Variants in PCDHA5 observed in about 807,000 individuals in gnomAD.
The protein encoded by PCDHA5 is protocadherin alpha 5.
In PCDHA5, 43 loss-of-function variants were observed where a neutral mutation model predicts 61.6. The ratio of observed to expected loss-of-function variants is 0.70; its 90% CI spans 0.55 to 0.90. The LOEUF (loss-of-function observed/expected upper bound fraction) is 0.90, where lower values mean the gene tolerates loss of function less well. Ranked by LOEUF, PCDHA5 falls within the 40% of genes least tolerant of loss-of-function variation. PCDHA5 has a pLI of 0.00. For missense variants in PCDHA5, 1,298 were observed against 1,222.7 expected, an observed-to-expected ratio of 1.06 and a Z score of -0.92; for synonymous variants, 627 against 543.9, an observed-to-expected ratio of 1.15 and a Z score of -2.13.
At chr5:140,964,954 G>A (rs140288048) in intron 1 of PCDHA5, among the ~76,000 whole-genome samples, 6 of 152,316 alleles carry the variant, frequency 3.9e-5, no homozygotes, top group Non-Finnish European at 7.4e-5. Flanking sequence ...AGTGTGCTTG[G>A]TTGGTGGAAC....
chr5:140,882,966 T>C (rs201472469), intron 1 of PCDHA5: 3 of 1,614,202 alleles, frequency 1.9e-6, no homozygotes, highest in Non-Finnish European at 8.5e-7. Context: ...ATCACGATTC[T>C]GGACGTGAAT....
intron 1 of PCDHA5, chr5:140,843,512 G>A (rs782010980): frequency 6.3e-7 from 1 of 1,595,964 alleles, no homozygotes; most frequent in Non-Finnish European, 8.6e-7. Flanking sequence ...CACTGAGGGC[G>A]GGTGCCGGGC....
intron 1 of PCDHA5, chr5:140,859,885 A>G (rs2046070858): frequency 1.3e-5 from 2 of 151,844 alleles, no homozygotes; most frequent in South Asian, 4.2e-4. Context: ...TGATATTTTG[A>G]AAAAAAATCT....
chr5:140,849,491 T>C (rs1554142975), intron 1 of PCDHA5: 1 of 1,592,292 alleles, frequency 6.3e-7, no homozygotes, highest in African/African-American at 1.4e-5. Context: ...CCCTGGCTGG[T>C]CATTGTACAC....
rs1484271840 is a variant in PCDHA5 at position 140,900,260 on chromosome 5, A to G, written c.2352+76133A>G. Among the ~76,000 whole-genome samples the G allele has an allele frequency of 4.0e-5, 6 of 151,898 alleles. No homozygotes were observed. In the South Asian group the frequency reaches 1.0e-3, roughly 26 times the overall value. ...TTTTTTTATGGCTGAATAGTACTCC[A>G]TTGTGTATATGTACCACACTTTCTT... On this transcript the variant is annotated intron_variant, in intron 1 of 3. Coordinates refer to ENST00000529859, the MANE Select transcript of PCDHA5 (RefSeq NM_018908.3).
intron 1 of PCDHA5, chr5:140,829,939 C>A (rs1375837368): frequency 6.2e-7 from 1 of 1,613,870 alleles, no homozygotes; most frequent in African/African-American, 1.3e-5. Context: ...CCCCGGCAAG[C>A]AGCGCTCGCT....
At chr5:140,828,459 T>C (rs1220650558) in intron 1 of PCDHA5, 1 of 1,613,846 alleles carries the variant, frequency 6.2e-7, no homozygotes, top group Non-Finnish European at 8.5e-7. Context: ...GACGTGGAGG[T>C]GAGGGACATT....
At chr5:140,888,753 AC>A (rs1372547782) in intron 1 of PCDHA5, among the ~76,000 whole-genome samples, 1 of 149,022 alleles carries the variant, frequency 6.7e-6, no homozygotes, top group African/African-American at 2.5e-5. Context: ...TATTCTACCC[AC>A]TTTTTTTTTT....
chr5:140,898,980 G>A (rs2067076537), intron 1 of PCDHA5, among the ~76,000 whole-genome samples: 1 of 151,930 alleles, frequency 6.6e-6, no homozygotes, highest in South Asian at 2.1e-4. Flanking sequence ...CTCATGATTT[G>A]GCTCTCTGTT....
At chr5:140,873,642 G>A (rs1217578025) in intron 1 of PCDHA5, among the ~76,000 whole-genome samples, 1 of 152,154 alleles carries the variant, frequency 6.6e-6, no homozygotes, top group Non-Finnish European at 1.5e-5. Flanking sequence ...GAGTATGTGA[G>A]AACTACATAA....
At chr5:140,878,787 T>C (rs2057727241) in intron 1 of PCDHA5, among the ~76,000 whole-genome samples, 1 of 152,222 alleles carries the variant, frequency 6.6e-6, no homozygotes, top group Admixed American at 6.5e-5. Flanking sequence ...ATATGTTCAA[T>C]CACTTTTTAA....
chr5:140,876,127 A>G lies in PCDHA5; in HGVS notation c.2352+52000A>G, dbSNP rs782626047. 2.5e-6 allele frequency: 4 copies of G among 1,613,984 alleles called. No homozygotes were observed. The South Asian group carries it at 3.3e-5, about 13-fold the overall frequency. ...ATTGCTGATGGTAATCGATGGCGGTAAACCAGAACTAACAGGGTCTGTCCA... is the reference window on the plus strand; with the variant it reads ...ATTGCTGATGGTAATCGATGGCGGTGAACCAGAACTAACAGGGTCTGTCCA... On this transcript the variant is annotated intron_variant, in intron 1 of 3. Coordinates refer to ENST00000529859, the MANE Select transcript of PCDHA5 (RefSeq NM_018908.3).
Position 140,830,403 on chromosome 5 carries a change from C to T in PCDHA5, c.2352+6276C>T, listed in dbSNP as rs142523844. 231 of 1,614,096 alleles carry T rather than the reference C, an allele frequency of 1.4e-4. No homozygotes were observed. The African/African-American group carries it at 1.9e-3, about 14-fold the overall frequency. The stretch of plus-strand genomic sequence containing the variant: ...GGCCCACCCAAGATGGATCTCATGG[C>T]CTTTAGCCCCAGCCTTTCACCTTGT... On this transcript the variant is annotated intron_variant, in intron 1 of 3. Transcript: ENST00000529859.
rs75087916 is a variant in PCDHA5, at chr5:140,963,063, T to G, written c.2353-15886T>G. Among the ~76,000 whole-genome samples, 783 of 152,260 alleles carry G rather than the reference T, an allele frequency of 5.1e-3. 9 individuals carry two copies. Among genetic ancestry groups the G allele is most frequent in the African/African-American group, 0.018 (742 of 41,556 alleles). ...AGAGTCTATAAGGGTTTCTACATTGTGAAGGAGACAGAAATATAAGACATG... is the reference window on the plus strand; with the variant it reads ...AGAGTCTATAAGGGTTTCTACATTGGGAAGGAGACAGAAATATAAGACATG... On this transcript the variant is annotated intron_variant, in intron 1 of 3. Transcript: ENST00000529859.
At chr5:140,995,203 T>G (rs2097669345) in intron 3 of PCDHA5, among the ~76,000 whole-genome samples, 2 of 152,180 alleles carry the variant, frequency 1.3e-5, no homozygotes, top group African/African-American at 2.4e-5. Flanking sequence ...ATTTATAAAT[T>G]AGGCACAATA....
chr5:140,884,609 G>C (rs1554181782), intron 1 of PCDHA5: 4 of 1,614,138 alleles, frequency 2.5e-6, no homozygotes, highest in African/African-American at 1.3e-5. Flanking sequence ...TCCTTGTCTG[G>C]GTTCTGCAGA....
chr5:140,861,870 GC>G (rs1319389506), intron 1 of PCDHA5: 1 of 156,092 alleles, frequency 6.4e-6, no homozygotes, highest in East Asian at 1.9e-4. Context: ...ACTGATGGGG[GC>G]GAAGCTGAGC....
chr5:140,837,753 T>G (rs1775240938), intron 1 of PCDHA5, among the ~76,000 whole-genome samples: 1 of 151,848 alleles, frequency 6.6e-6, no homozygotes, highest in South Asian at 2.1e-4. Context: ...TATAGCCCAC[T>G]GCAACCTGAA....
At chr5:140,898,720 T>C (rs1343662110) in intron 1 of PCDHA5, among the ~76,000 whole-genome samples, 5 of 152,214 alleles carry the variant, frequency 3.3e-5, no homozygotes, top group African/African-American at 4.8e-5. Flanking sequence ...TTTCCAATTC[T>C]GTGAAGAAAG....
Sources: allele counts gnomAD v4.1 joint callset (sites outside exome capture counted in the v4.1 genomes callset), GRCh38; gene constraint gnomAD v4.1.1; transcripts MANE v1.5; gene names NCBI Gene and HGNC (gene_info 2026-07-23, HGNC 2026-07-21).